ITPR1: variants seen among roughly 807,000 people sequenced by gnomAD.
The protein encoded by ITPR1 is inositol 1,4,5-trisphosphate receptor type 1.
Under a neutral mutation model 318.4 loss-of-function variants are expected in ITPR1, and 96 were observed. The observed-to-expected ratio is 0.30, with a 90% CI of 0.26 to 0.36. The LOEUF (loss-of-function observed/expected upper bound fraction) is 0.36. Among genes scored for constraint, ITPR1 ranks in the 10% least tolerant of loss-of-function variants. The pLI is 1.00. For synonymous variants in ITPR1, 1,312 were observed against 1,289.9 expected, an observed-to-expected ratio of 1.02 and a Z score of -0.37; for missense variants, 2,440 against 3,460.2, an observed-to-expected ratio of 0.71 and a Z score of 7.40.
Position 4,639,487 on chromosome 3 carries a change from C to T in ITPR1, c.366+17C>T. ...GTGATCCAGGTAGGTCAAGGCAGCT[C>T]TTCCCTTCTGAAGCTGAAGCGTTAC... On this transcript the variant is annotated intron_variant, in intron 6 of 61. Coordinates refer to ENST00000649015, the MANE Select transcript of ITPR1 (RefSeq NM_001378452.1). 1 of 1,536,386 alleles carries T rather than the reference C, an allele frequency of 6.5e-7. No individual in the cohort carries two copies. The highest frequency in any genetic ancestry group is 2.4e-5 in the East Asian group (1 of 42,350).
intron 4 of ITPR1, among the ~76,000 whole-genome samples, chr3:4,584,956 A>G (rs925567859): frequency 6.6e-6 from 1 of 152,204 alleles, no homozygotes; most frequent in Non-Finnish European, 1.5e-5. Context: ...ACAGAAGGGT[A>G]GCTTTTGAAT....
At chr3:4,578,548 A>G (rs2088939883) in intron 4 of ITPR1, among the ~76,000 whole-genome samples, 1 of 152,088 alleles carries the variant, frequency 6.6e-6, no homozygotes, top group African/African-American at 2.4e-5. Flanking sequence ...GGAGCTCATA[A>G]TGTCCCACAG....
At chr3:4,678,401 G>A (rs1489601549) in intron 24 of ITPR1, among the ~76,000 whole-genome samples, 2 of 152,066 alleles carry the variant, frequency 1.3e-5, no homozygotes, top group African/African-American at 2.4e-5. Flanking sequence ...TATCAGAAAC[G>A]ACGCAGTGCA....
chr3:4,630,600 T>TATG (rs60279742), intron 5 of ITPR1, among the ~76,000 whole-genome samples: 3 of 149,016 alleles, frequency 2.0e-5, no homozygotes, highest in Non-Finnish European at 4.5e-5. Context: ...TTATTATTAT[T>TATG]TTTAAGGCAG....
intron 4 of ITPR1, among the ~76,000 whole-genome samples, chr3:4,586,857 C>T (rs4685771): frequency 0.2 from 30,148 of 151,726 alleles, 4,127 homozygotes; most frequent in East Asian, 0.41. Flanking sequence ...TGCTTTGTTG[C>T]TATGCTCTCT....
At chr3:4,800,318 A>G (rs1451079154) in intron 53 of ITPR1, 107 bp from the exon 54 acceptor site, 4 of 1,189,358 alleles carry the variant, frequency 3.4e-6, no homozygotes, top group Non-Finnish European at 4.8e-6. Context: ...TGGGACTGGT[A>G]AGCCAAAAAA....
At chr3:4,716,434 A>G (rs2041769511) in intron 39 of ITPR1, among the ~76,000 whole-genome samples, 1 of 152,244 alleles carries the variant, frequency 6.6e-6, no homozygotes, top group African/African-American at 2.4e-5. Context: ...GAGGCCAGGA[A>G]TTAATGTAAA....
chr3:4,509,810 C>T (rs2081663772), intron 2 of ITPR1, among the ~76,000 whole-genome samples: 1 of 152,032 alleles, frequency 6.6e-6, no homozygotes, highest in Non-Finnish European at 1.5e-5. Context: ...AAAACAAAAC[C>T]AGTATAAACT....
In ITPR1 at chr3:4,711,846, A is replaced by G; in HGVS notation, c.5081A>G (p.Lys1694Arg). Reference sequence around the variant, plus strand: ...CAGACCCTGAGGGAAATGATGACCAAAGATAGAGGCTATGGAGAAAAGGTA... The same window carrying G: ...CAGACCCTGAGGGAAATGATGACCAGAGATAGAGGCTATGGAGAAAAGGTA... ...VLQTLREMMTKDRGYGEKLIS... is the reference protein window; with the variant it reads ...VLQTLREMMTRDRGYGEKLIS... Residue 1694 changes from lysine (K) to arginine (R), a missense_variant, in exon 39 of 62, where the codon AAA becomes AGA. Physicochemically the swap from Lys to Arg is conservative, Grantham distance 26 (BLOSUM62 2). This residue lies in a region of ITPR1 where 166 missense variants were observed against 143.7 expected (regional missense o/e 1.16). Coordinates refer to ENST00000649015, the MANE Select transcript of ITPR1 (RefSeq NM_001378452.1). 6.6e-7 allele frequency: 1 copy of G among 1,525,680 alleles called. No individual in the cohort carries two copies. Among genetic ancestry groups the G allele is most frequent in the Non-Finnish European group, 8.9e-7 (1 of 1,127,270 alleles). The allele number at this position is 1,525,680 out of a possible 1,614,324, so 94.5% of individuals were successfully genotyped here.
At chr3:4,687,878 C>G (rs776656311) in intron 30 of ITPR1, among the ~76,000 whole-genome samples, 2 of 152,192 alleles carry the variant, frequency 1.3e-5, no homozygotes, top group Non-Finnish European at 2.9e-5. Context: ...CACAGTTGCT[C>G]TAATGTGTGA....
intron 2 of ITPR1, among the ~76,000 whole-genome samples, chr3:4,513,516 G>C (rs1559366026): frequency 1.3e-5 from 2 of 152,162 alleles, no homozygotes; most frequent in Non-Finnish European, 2.9e-5. Flanking sequence ...TAGCTGTGGT[G>C]GGTGGACTGG....
rs570661168 is a variant in ITPR1 at position 4,652,987 on chromosome 3, C to CA, written c.951+777dup. 4.8e-3 allele frequency among the ~76,000 whole-genome samples: 721 copies of CA among 151,666 alleles called. 5 individuals are homozygous for CA. Among genetic ancestry groups the CA allele is most frequent in the Non-Finnish European group, 7.5e-3 (509 of 67,872 alleles). ...TGGGTGACAGAATGAGACTCTGTCT[C>CA]AAAAAAAATGTCTGTGAAGAGTTTT... On this transcript the variant is annotated intron_variant, in intron 11 of 61. Transcript: ENST00000649015.
In ITPR1 at chr3:4,663,046, T is replaced by C. The variant is rs1262142089; in HGVS notation, c.1413-19T>C. On this transcript the variant is annotated intron_variant, in intron 15 of 61. Transcript: ENST00000649015. Reference sequence around the variant, plus strand: ...GAACACTGAACACATCTGTCTCTAATAGCGTCTTTCCTCCTAAGGTCTGTA... The same window carrying C: ...GAACACTGAACACATCTGTCTCTAACAGCGTCTTTCCTCCTAAGGTCTGTA... 3 of 1,612,192 alleles carry C rather than the reference T, an allele frequency of 1.9e-6. No individual in the cohort carries two copies. The highest frequency in any genetic ancestry group is 1.7e-5 in the Admixed American group (1 of 59,976).
At chr3:4,571,455 C>A (rs1164424268) in intron 4 of ITPR1, among the ~76,000 whole-genome samples, 2 of 152,128 alleles carry the variant, frequency 1.3e-5, no homozygotes, top group Non-Finnish European at 2.9e-5. Context: ...ATCCTCCCGT[C>A]AGTCTCCCGA....
At chr3:4,669,989 C>T (rs962527268) in intron 19 of ITPR1, among the ~76,000 whole-genome samples, 4 of 152,148 alleles carry the variant, frequency 2.6e-5, no homozygotes, top group African/African-American at 9.7e-5. Flanking sequence ...ATTTTGCATA[C>T]AAGTTTAGAA....
rs367643585 is a variant in ITPR1, at chr3:4,706,346, T to C, written c.4837T>C (p.Leu1613=). Residue 1613 remains leucine (L), a synonymous_variant, in exon 37 of 62, where the codon TTG becomes CTG. Transcript: ENST00000649015. ...AGACTACCGGAATATCATTGAGAGA[T>C]TGCAGGTAATGCCTGGTGTTGAGAG... is the stretch of plus-strand genomic sequence containing the variant. The part of the protein sequence containing the change: ...SRDYRNIIER[L]QDIVSALEDR... 2.1e-4 allele frequency: 336 copies of C among 1,607,082 alleles called. 2 individuals are homozygous for C. The African/African-American group carries it at 3.9e-3, about 19-fold the overall frequency.
chr3:4,494,248 A>T (rs1214777712), intron 1 of ITPR1, among the ~76,000 whole-genome samples, 183 bp from the exon 2 acceptor site: 1 of 152,246 alleles, frequency 6.6e-6, no homozygotes, highest in Non-Finnish European at 1.5e-5. Context: ...GAAATAAGTA[A>T]GCGTAGTTAC....
At chr3:4,721,199 T>TATATATATATATATATATATATAG in intron 40 of ITPR1, among the ~76,000 whole-genome samples, 1 of 137,872 alleles carries the variant, frequency 7.3e-6, no homozygotes, top group Non-Finnish European at 1.5e-5. Context: ...TATATATATA[T>TATATATATATATATATATATATAG]ATATGCATAT....
In ITPR1 at chr3:4,782,735, C is replaced by T. The variant is rs761135275; in HGVS notation, c.6504C>T (p.Ala2168=). The change falls in exon 50 of 62, where the codon GCC becomes GCT. Residue 2168 remains alanine, a synonymous_variant. Coordinates refer to ENST00000649015, the MANE Select transcript of ITPR1 (RefSeq NM_001378452.1). ...TGGGGCACAACATCTACATATTAGC[C>T]CATCAGGTATGATCTCTCCTGTGCC... is the stretch of plus-strand genomic sequence containing the variant. ...RNVGHNIYIL[A]HQLARHNKEL... is the part of the protein sequence containing the mutation. The T allele has an allele frequency of 1.9e-6, 3 of 1,559,156 alleles. No individual in the cohort carries two copies. Among genetic ancestry groups the T allele is most frequent in the Non-Finnish European group, 1.7e-6 (2 of 1,151,114 alleles).
Sources: gnomAD v4.1 joint callset for allele counts (sites outside exome capture counted in the v4.1 genomes callset) on GRCh38, gnomAD v4.1.1 for gene constraint, gnomAD v4.1.1 regional missense constraint, MANE v1.5 for transcripts, NCBI Gene and HGNC (gene_info 2026-07-23, HGNC 2026-07-21) for gene names.